The following CD109 variants were observed in gnomAD, a reference collection of about 807,000 sequenced individuals.
The protein encoded by CD109 is CD109 molecule, also known as CD109 antigen.
In CD109, 149 loss-of-function variants were observed where a neutral mutation model predicts 165.8. The observed-to-expected ratio is 0.90, with a 90% CI of 0.79 to 1.03. The LOEUF is 1.03. Among genes scored for constraint, CD109 ranks in the 50% least tolerant of loss-of-function variants. CD109 has a pLI of 0.00. For synonymous variants in CD109, 585 were observed against 592.1 expected (o/e 0.99, Z 0.18); for missense variants, 1,712 against 1,677.8 (o/e 1.02, Z -0.36).
At chr6:73,809,403 T>C (rs1283780563) in intron 26 of CD109, among the ~76,000 whole-genome samples, 2 of 152,158 alleles carry the variant, frequency 1.3e-5, no homozygotes, top group Non-Finnish European at 2.9e-5. Context: ...TAACGTGCAT[T>C]ATCTTCTGAA....
At chr6:73,749,686 A>G (rs1646967736) in intron 5 of CD109, among the ~76,000 whole-genome samples, 1 of 152,248 alleles carries the variant, frequency 6.6e-6, no homozygotes, top group Non-Finnish European at 1.5e-5. Context: ...CTCTCAAATT[A>G]TAAAAGTTAT....
intron 1 of CD109, 110 bp downstream of exon 1, chr6:73,696,399 A>G: frequency 1.1e-6 from 1 of 918,388 alleles, no homozygotes; most frequent in Non-Finnish European, 1.5e-6. Context: ...AGCGGGTGGG[A>G]AATGCCCTCG....
chr6:73,769,763 A>C (rs1008029473), intron 14 of CD109, among the ~76,000 whole-genome samples: 2 of 152,182 alleles, frequency 1.3e-5, no homozygotes, highest in African/African-American at 4.8e-5. Flanking sequence ...TGAGGTACAG[A>C]GTATAGAGTG....
chr6:73,799,375 C>T (rs1393512752), intron 23 of CD109, among the ~76,000 whole-genome samples: 3 of 152,084 alleles, frequency 2.0e-5, no homozygotes, highest in Non-Finnish European at 4.4e-5. Context: ...TTCTCCCTAC[C>T]TCTCATTGGT....
At chr6:73,805,974 CTCTT>C (rs528836305) in intron 24 of CD109, among the ~76,000 whole-genome samples, 112 of 152,318 alleles carry the variant, frequency 7.4e-4, no homozygotes, top group African/African-American at 2.6e-3. Flanking sequence ...AATCTGATCT[CTCTT>C]TCTTTTCCCC....
chr6:73,812,259 GC>G lies in CD109; in HGVS notation c.3758del (p.Ala1253ValfsTer11). On this transcript the variant is annotated frameshift_variant, in exon 29 of 33. Coordinates refer to ENST00000287097, the MANE Select transcript of CD109 (RefSeq NM_133493.5). LOFTEE classifies it high-confidence loss of function. Reference sequence around the variant, plus strand: ...TATTTCCGCAAATGGTTTTGGATTTGCTATTTGTCAGGTATGTAACGATGCT... The same window carrying G: ...TATTTCCGCAAATGGTTTTGGATTTGTATTTGTCAGGTATGTAACGATGCT... ...VNISANGFGF[A>X]ICQLNVVYNV... 1.2e-6 allele frequency: 2 copies of G among 1,606,914 alleles called. No individual in the cohort carries two copies.
In CD109 at chr6:73,711,440, T is replaced by TCTGTGTAGA. The variant is rs1562023895; in HGVS notation, c.248-11807_248-11799dup. Among the ~76,000 whole-genome samples the TCTGTGTAGA allele has an allele frequency of 2.0e-5, 3 of 152,254 alleles. No homozygotes were observed. The East Asian group carries it at 5.8e-4, about 29-fold the overall frequency. ...TGTTCTGCTCAGAATACTTGTGTTTTCTGTGTAGACTGAATTTACCCAATA... is the reference window on the plus strand; with the variant it reads ...TGTTCTGCTCAGAATACTTGTGTTTTCTGTGTAGACTGTGTAGACTGAATTTACCCAATA... On this transcript the variant is annotated intron_variant, in intron 2 of 32. Coordinates refer to ENST00000287097, the MANE Select transcript of CD109 (RefSeq NM_133493.5).
chr6:73,687,417 G>T, the CD109 span, among the ~76,000 whole-genome samples: 104 of 148,322 alleles, frequency 7.0e-4, no homozygotes, highest in African/African-American at 2.4e-3. Context: ...TCTTTCACAT[G>T]CATGCTCTCT....
In CD109 at chr6:73,827,306, G is replaced by A. The variant is rs527414403; in HGVS notation, c.*3673G>A. 1.4e-3 allele frequency: 219 copies of A among 152,164 alleles called. No homozygotes were observed. Among genetic ancestry groups the A allele is most frequent in the African/African-American group, 4.7e-3 (197 of 41,514 alleles). The allele number at this position is 152,164 out of a possible 1,614,324, so 9.4% of individuals were successfully genotyped here. On this transcript the variant is annotated 3_prime_UTR_variant, in exon 33 of 33. Transcript: ENST00000287097. The stretch of plus-strand genomic sequence containing the variant: ...GCATTGTAAATTTAAGACACTTATA[G>A]TAAGTGGACTCATTCATAGATGAGT...
At chr6:73,739,393 T>C (rs1160040949) in intron 5 of CD109, among the ~76,000 whole-genome samples, 1 of 152,236 alleles carries the variant, frequency 6.6e-6, no homozygotes, top group Non-Finnish European at 1.5e-5. Context: ...TAAAGGACTG[T>C]ATATTTCTTG....
intron 15 of CD109, among the ~76,000 whole-genome samples, chr6:73,777,565 A>T (rs1774299140): frequency 6.6e-6 from 1 of 152,100 alleles, no homozygotes; most frequent in Non-Finnish European, 1.5e-5. Flanking sequence ...TTAAGTTTTT[A>T]ATCCATCTTG....
chr6:73,814,548 T>G (rs1340665633), intron 29 of CD109, among the ~76,000 whole-genome samples: 4 of 152,226 alleles, frequency 2.6e-5, no homozygotes, highest in Admixed American at 6.5e-5. Context: ...AATGTTCAAC[T>G]AAGGCTCTTC....
intron 5 of CD109, among the ~76,000 whole-genome samples, chr6:73,737,756 G>A (rs1236771959): frequency 6.6e-6 from 1 of 152,184 alleles, no homozygotes; most frequent in Non-Finnish European, 1.5e-5. Context: ...GGAAAAATTT[G>A]TGTGGGAGTA....
At chr6:73,741,523 C>G (rs1772784855) in intron 5 of CD109, among the ~76,000 whole-genome samples, 1 of 152,140 alleles carries the variant, frequency 6.6e-6, no homozygotes. Context: ...GAAAATACAC[C>G]TTAGGAAGAT....
At chr6:73,748,836 C>T (rs1773078956) in intron 5 of CD109, among the ~76,000 whole-genome samples, 2 of 152,166 alleles carry the variant, frequency 1.3e-5, no homozygotes, top group Admixed American at 6.5e-5. Flanking sequence ...TGTTAATAAA[C>T]ATTTTCTCTC....
intron 2 of CD109, among the ~76,000 whole-genome samples, chr6:73,722,940 A>C (rs9446997): frequency 0.64 from 97,340 of 152,086 alleles, 33,143 homozygotes; most frequent in Non-Finnish European, 0.78. Flanking sequence ...AAGCACGTAT[A>C]ACCTTAAAAT....
At chr6:73,815,836 G>A (rs1433186397) in intron 30 of CD109, among the ~76,000 whole-genome samples, 1 of 152,166 alleles carries the variant, frequency 6.6e-6, no homozygotes, top group Non-Finnish European at 1.5e-5. Context: ...TTGAATAGAG[G>A]CTTCACTTTT....
chr6:73,806,417 C>T (rs149956758), intron 24 of CD109, among the ~76,000 whole-genome samples: 53 of 152,020 alleles, frequency 3.5e-4, no homozygotes, highest in African/African-American at 1.2e-3. Flanking sequence ...ATGTAAATGA[C>T]GCGTTAATGG....
intron 23 of CD109, 62 bp from the exon 24 acceptor site, chr6:73,803,158 A>G: frequency 8.9e-7 from 1 of 1,127,170 alleles, no homozygotes; most frequent in Non-Finnish European, 1.4e-6. Flanking sequence ...AGTCATAATT[A>G]GAAACTTTCA....
Sources: allele counts gnomAD v4.1 joint callset (sites outside exome capture counted in the v4.1 genomes callset), GRCh38; gene constraint gnomAD v4.1.1; transcripts MANE v1.5; gene names NCBI Gene and HGNC (gene_info 2026-07-23, HGNC 2026-07-21).